Variants in GPHN observed in about 807,000 individuals in gnomAD.
GPHN encodes the protein gephyrin.
In GPHN, 17 loss-of-function variants were observed where a neutral mutation model predicts 95.5. That is an observed-to-expected ratio of 0.18 (90% confidence interval 0.12 to 0.27). The LOEUF (loss-of-function observed/expected upper bound fraction) is 0.27. GPHN is among the 10% of genes least tolerant of loss of function. The probability of loss-of-function intolerance (pLI) is 1.00; values close to 1 mark genes in which losing one functional copy is unlikely to be tolerated. For synonymous variants in GPHN, 320 were observed against 322.5 expected (o/e 0.99, Z 0.08); for missense variants, 660 against 978.1 (o/e 0.67, Z 4.34).
At chr14:66,577,566 A>T (rs992459619) in intron 1 of GPHN, among the ~76,000 whole-genome samples, 4 of 152,158 alleles carry the variant, frequency 2.6e-5, no homozygotes, top group African/African-American at 9.6e-5. Flanking sequence ...AGATTTGTCA[A>T]CCAAAGTCTC....
intron 12 of GPHN, among the ~76,000 whole-genome samples, chr14:67,096,616 CTTT>C (rs200466980): frequency 5.2e-5 from 7 of 134,662 alleles, no homozygotes; most frequent in Admixed American, 1.5e-4. Flanking sequence ...TCAAAGCAGT[CTTT>C]TTTTTTTTTT....
At chr14:66,709,571 G>T (rs2069417934) in intron 2 of GPHN, 1 of 338,996 alleles carries the variant, frequency 2.9e-6, no homozygotes, top group Non-Finnish European at 6.0e-6. Context: ...ATACTCCTCA[G>T]ACTGGCACAT....
chr14:67,412,739 TAGAG>T, the GPHN span, among the ~76,000 whole-genome samples: 1 of 152,068 alleles, frequency 6.6e-6, no homozygotes, highest in African/African-American at 2.4e-5. Context: ...AAATTATATA[TAGAG>T]AGAGATGATT....
At chr14:66,997,639 GA>G (rs2071910004) in intron 9 of GPHN, among the ~76,000 whole-genome samples, 1 of 152,116 alleles carries the variant, frequency 6.6e-6, no homozygotes, top group South Asian at 2.1e-4. Flanking sequence ...CAAATTTTAA[GA>G]AAAAACCAAA....
the GPHN span, among the ~76,000 whole-genome samples, chr14:67,536,912 C>T: frequency 2.6e-5 from 4 of 151,522 alleles, no homozygotes; most frequent in Middle Eastern, 3.4e-3. Context: ...TGGTGGCATC[C>T]GCCTGTAATC....
the GPHN span, chr14:67,651,476 G>A: frequency 4.3e-6 from 7 of 1,613,696 alleles, no homozygotes; most frequent in Non-Finnish European, 4.2e-6. Flanking sequence ...CTTGTTGGTT[G>A]TCACTCTACA....
At chr14:67,570,133 G>A in the GPHN span, 2 of 763,662 alleles carry the variant, frequency 2.6e-6, no homozygotes, top group East Asian at 2.7e-5. Flanking sequence ...TGCCCAGGGA[G>A]CTGAGCCCAG....
chr14:67,569,136 A>C, the GPHN span: 1 of 1,608,002 alleles, frequency 6.2e-7, no homozygotes, highest in South Asian at 1.1e-5. Context: ...CTCTTGTTTC[A>C]GGAGAGCCGG....
the GPHN span, among the ~76,000 whole-genome samples, chr14:67,671,252 G>T: frequency 6.6e-6 from 1 of 152,064 alleles, no homozygotes. Context: ...GTGGTTGGGC[G>T]CAGTGGCTCA....
At chr14:66,960,822 G>C (rs1252494934) in intron 8 of GPHN, among the ~76,000 whole-genome samples, 2 of 152,040 alleles carry the variant, frequency 1.3e-5, no homozygotes, top group Non-Finnish European at 2.9e-5. Context: ...TGACCTTTTA[G>C]AGTCCAAAGG....
chr14:66,854,813 A>T (rs2062730081), intron 4 of GPHN, among the ~76,000 whole-genome samples: 1 of 151,940 alleles, frequency 6.6e-6, no homozygotes, highest in African/African-American at 2.4e-5. Context: ...ATTGTGGCAA[A>T]ATATGTATAG....
intron 4 of GPHN, among the ~76,000 whole-genome samples, chr14:66,871,627 A>C (rs1480812750): frequency 2.0e-5 from 3 of 152,216 alleles, no homozygotes; most frequent in African/African-American, 7.2e-5. Context: ...TTGGATAATG[A>C]CATGGATGAA....
the GPHN span, among the ~76,000 whole-genome samples, chr14:67,699,276 G>T: frequency 1.3e-5 from 2 of 151,180 alleles, no homozygotes; most frequent in Non-Finnish European, 2.9e-5. Context: ...AAGATAAAAG[G>T]CTGGATGTGG....
At chr14:67,497,039 G>A in the GPHN span, among the ~76,000 whole-genome samples, 3 of 151,780 alleles carry the variant, frequency 2.0e-5, no homozygotes, top group African/African-American at 7.3e-5. Context: ...TGATCGGCCC[G>A]CCTCAGCCTC....
At chr14:67,418,967 G>C in the GPHN span, among the ~76,000 whole-genome samples, 1 of 152,144 alleles carries the variant, frequency 6.6e-6, no homozygotes, top group Non-Finnish European at 1.5e-5. Context: ...TTCCCCACCA[G>C]TGCCATCCAC....
At position 67,059,549 on chromosome 14, in the gene GPHN, C is replaced by T. The variant is rs1003001358; in HGVS notation, c.1144+763C>T. Reference sequence around the variant, plus strand: ...ATAGAATCATAAAATATTCAAACTACAATGAACAGTAGAGAGCACAAACAC... The same window carrying T: ...ATAGAATCATAAAATATTCAAACTATAATGAACAGTAGAGAGCACAAACAC... On this transcript the variant is annotated intron_variant, in intron 11 of 22. Coordinates refer to ENST00000478722, the MANE Select transcript of GPHN (RefSeq NM_020806.5). 2.0e-5 allele frequency among the ~76,000 whole-genome samples: 3 copies of T among 152,146 alleles called. No homozygotes were observed. In the South Asian group the frequency reaches 6.2e-4, roughly 32 times the overall value.
At chr14:67,107,517 C>G (rs892350355) in intron 13 of GPHN, among the ~76,000 whole-genome samples, 88 of 152,142 alleles carry the variant, frequency 5.8e-4, no homozygotes, top group African/African-American at 2.1e-3. Flanking sequence ...GTAGTACTGA[C>G]CAAACTCCAA....
chr14:66,536,770 A>G (rs1269369154), intron 1 of GPHN, among the ~76,000 whole-genome samples: 1 of 152,180 alleles, frequency 6.6e-6, no homozygotes, highest in Non-Finnish European at 1.5e-5. Context: ...CAGTAAGGTC[A>G]TATTGGTTAA....
chr14:67,396,176 C>G, the GPHN span, among the ~76,000 whole-genome samples: 5 of 151,658 alleles, frequency 3.3e-5, no homozygotes, highest in Admixed American at 2.6e-4. Context: ...GAGACGGAGT[C>G]TTGCTCTGTC....
Sources: gnomAD v4.1 joint callset for allele counts (sites outside exome capture counted in the v4.1 genomes callset) on GRCh38, gnomAD v4.1.1 for gene constraint, MANE v1.5 for transcripts, NCBI Gene and HGNC (gene_info 2026-07-23, HGNC 2026-07-21) for gene names.